PPM1E: variants seen among roughly 807,000 people sequenced by gnomAD.
PPM1E encodes protein phosphatase 1E.
Under a neutral mutation model 65.9 loss-of-function variants are expected in PPM1E, and 20 were observed. The ratio of observed to expected loss-of-function variants is 0.30; its 90% CI spans 0.21 to 0.44. The LOEUF (loss-of-function observed/expected upper bound fraction) is 0.44, where lower values mean the gene tolerates loss of function less well. Ranked by LOEUF, PPM1E falls within the 20% of genes least tolerant of loss-of-function variation. PPM1E has a pLI of 1.00. For missense variants in PPM1E, 713 were observed against 953.1 expected (o/e 0.75, Z 3.32); for synonymous variants, 352 against 374.9 (o/e 0.94, Z 0.70).
At chr17:58,787,855 C>G (rs57368981) in intron 1 of PPM1E, among the ~76,000 whole-genome samples, 4 of 147,118 alleles carry the variant, frequency 2.7e-5, no homozygotes, top group Non-Finnish European at 6.0e-5. Context: ...TGCAGTGAGC[C>G]GAGATCGCAC....
At chr17:58,945,392 C>T (rs1442038290) in intron 1 of PPM1E, among the ~76,000 whole-genome samples, 1 of 152,240 alleles carries the variant, frequency 6.6e-6, no homozygotes, top group African/African-American at 2.4e-5. Flanking sequence ...ATCGTCCCGC[C>T]TTGGCCTCCC....
chr17:58,920,771 CAT>C (rs1212617293), intron 1 of PPM1E, among the ~76,000 whole-genome samples: 1 of 152,062 alleles, frequency 6.6e-6, no homozygotes, highest in African/African-American at 2.4e-5. Context: ...GGACCAGAAA[CAT>C]ACAATGGGAG....
chr17:58,824,550 G>T (rs531619164), intron 1 of PPM1E, among the ~76,000 whole-genome samples: 2 of 150,236 alleles, frequency 1.3e-5, no homozygotes, highest in South Asian at 2.1e-4. Context: ...ATGAATTTAG[G>T]TTGCTTTAGC....
intron 2 of PPM1E, among the ~76,000 whole-genome samples, chr17:58,962,826 T>C (rs1260682674): frequency 1.3e-5 from 2 of 152,200 alleles, no homozygotes; most frequent in Non-Finnish European, 2.9e-5. Flanking sequence ...ATGCCTGTAA[T>C]CCCAGTACTT....
chr17:58,765,877 C>CTT (rs35401844), intron 1 of PPM1E, among the ~76,000 whole-genome samples: 6 of 122,862 alleles, frequency 4.9e-5, no homozygotes, highest in Admixed American at 8.4e-5. Context: ...TTTGTAGTTT[C>CTT]TTTTTTTTTT....
At chr17:58,948,238 T>C (rs1204619098) in intron 1 of PPM1E, among the ~76,000 whole-genome samples, 2 of 152,180 alleles carry the variant, frequency 1.3e-5, no homozygotes, top group Non-Finnish European at 2.9e-5. Context: ...TAAAATAGCA[T>C]GCGGGACCAG....
At chr17:58,816,823 T>G (rs1287299347) in intron 1 of PPM1E, among the ~76,000 whole-genome samples, 1 of 129,788 alleles carries the variant, frequency 7.7e-6, no homozygotes, top group Non-Finnish European at 1.6e-5. Flanking sequence ...TGAGACAGGG[T>G]CTTACTCTGT....
intron 1 of PPM1E, among the ~76,000 whole-genome samples, chr17:58,786,271 C>T (rs1393276102): frequency 6.6e-6 from 1 of 152,152 alleles, no homozygotes; most frequent in Non-Finnish European, 1.5e-5. Context: ...GCCTCGGCCT[C>T]CCAAAGTGCT....
At chr17:58,758,671 C>G (rs969431300) in intron 1 of PPM1E, among the ~76,000 whole-genome samples, 3 of 152,086 alleles carry the variant, frequency 2.0e-5, no homozygotes, top group African/African-American at 7.2e-5. Flanking sequence ...CCGCTTAAAT[C>G]AGAGATTTCA....
chr17:58,958,066 CCAG>C (rs2029907021), intron 2 of PPM1E, among the ~76,000 whole-genome samples: 1 of 152,094 alleles, frequency 6.6e-6, no homozygotes, highest in Non-Finnish European at 1.5e-5. Context: ...TCACTTGAGC[CCAG>C]GAGTTCAAGG....
chr17:58,798,439 G>T (rs2050227575), intron 1 of PPM1E, among the ~76,000 whole-genome samples: 1 of 150,244 alleles, frequency 6.7e-6, no homozygotes, highest in Non-Finnish European at 1.5e-5. Flanking sequence ...TGGTCAGACT[G>T]GTCTCGAACT....
chr17:58,760,745 GC>G (rs1694156540), intron 1 of PPM1E, among the ~76,000 whole-genome samples: 1 of 152,172 alleles, frequency 6.6e-6, no homozygotes, highest in African/African-American at 2.4e-5. Context: ...AAGATGCTAT[GC>G]AAAACCTCAC....
intron 1 of PPM1E, among the ~76,000 whole-genome samples, chr17:58,792,650 A>G (rs1194600917): frequency 2.0e-5 from 3 of 151,602 alleles, no homozygotes; most frequent in African/African-American, 7.3e-5. Context: ...TGCCTGGCTC[A>G]TATCATAATT....
At chr17:58,874,390 T>A (rs2051106638) in intron 1 of PPM1E, among the ~76,000 whole-genome samples, 1 of 152,174 alleles carries the variant, frequency 6.6e-6, no homozygotes, top group Admixed American at 6.5e-5. Context: ...TCTTCTAATC[T>A]CTCACTACTG....
chr17:58,969,779 T>C, intron 4 of PPM1E, 52 bp downstream of exon 4: 1 of 1,571,014 alleles, frequency 6.4e-7, no homozygotes, highest in African/African-American at 1.4e-5. Flanking sequence ...CTGAGCTCAA[T>C]TTGGTCTGTG....
At chr17:58,859,843 T>A (rs1255506490) in intron 1 of PPM1E, among the ~76,000 whole-genome samples, 2 of 152,220 alleles carry the variant, frequency 1.3e-5, no homozygotes, top group East Asian at 3.8e-4. Context: ...GTGTTGGATC[T>A]CAAAGGTTGG....
chr17:58,847,100 C>T (rs1449948399), intron 1 of PPM1E, among the ~76,000 whole-genome samples: 2 of 152,234 alleles, frequency 1.3e-5, no homozygotes, highest in East Asian at 1.9e-4. Flanking sequence ...ATCCTTTGCC[C>T]ACTTTTTGAT....
chr17:58,876,425 A>C (rs10401050), intron 1 of PPM1E, among the ~76,000 whole-genome samples: 96,796 of 152,010 alleles, frequency 0.64, 31,217 homozygotes, highest in African/African-American at 0.71. Flanking sequence ...TTGAGGATAA[A>C]CAAAATGTCA....
intron 1 of PPM1E, among the ~76,000 whole-genome samples, chr17:58,859,193 C>T (rs1018649985): frequency 6.6e-6 from 1 of 152,112 alleles, no homozygotes; most frequent in African/African-American, 2.4e-5. Flanking sequence ...CAGTTTGCTA[C>T]GTTTCAAGGA....
Sources: gnomAD v4.1 joint callset for allele counts (sites outside exome capture counted in the v4.1 genomes callset) on GRCh38, gnomAD v4.1.1 for gene constraint, MANE v1.5 for transcripts, NCBI Gene and HGNC (gene_info 2026-07-23, HGNC 2026-07-21) for gene names.